NAALADL2: variants seen among roughly 807,000 people sequenced by gnomAD.
NAALADL2 encodes the protein N-acetylated alpha-linked acidic dipeptidase like 2.
NAALADL2 carries 76 observed loss-of-function variants against 87.2 expected under a neutral mutation model. The ratio of observed to expected loss-of-function variants is 0.87; its 90% CI spans 0.72 to 1.05. NAALADL2 has a LOEUF of 1.05. NAALADL2 is among the 50% of genes least tolerant of loss of function. The pLI, the probability that NAALADL2 is intolerant of heterozygous loss-of-function variation, is 0.00. For missense variants in NAALADL2, 1,089 were observed against 945.8 expected (o/e 1.15, Z -1.99); for synonymous variants, 354 against 331.0 (o/e 1.07, Z -0.75).
At chr3:175,242,276 A>G (rs1747059804) in intron 3 of NAALADL2, 1 of 152,212 alleles carries the variant, frequency 6.6e-6, no homozygotes, top group African/African-American at 2.4e-5. Context: ...TGATTTAGGC[A>G]AACTACTTGC....
chr3:175,455,779 A>G (rs1311185748), intron 6 of NAALADL2, among the ~76,000 whole-genome samples: 2 of 152,076 alleles, frequency 1.3e-5, no homozygotes, highest in African/African-American at 4.8e-5. Context: ...AGACCACAGC[A>G]TCTCAATCAT....
chr3:175,162,060 G>A (rs1475457416), intron 2 of NAALADL2, among the ~76,000 whole-genome samples: 1 of 152,034 alleles, frequency 6.6e-6, no homozygotes, highest in East Asian at 1.9e-4. Context: ...TTACTATTCA[G>A]GACTGTTAGA....
At chr3:175,562,438 T>G (rs923362049) in intron 9 of NAALADL2, among the ~76,000 whole-genome samples, 16 of 152,140 alleles carry the variant, frequency 1.1e-4, no homozygotes, top group African/African-American at 3.6e-4. Flanking sequence ...TTTTTAAATG[T>G]TAGATCACTA....
intron 1 of NAALADL2, among the ~76,000 whole-genome samples, chr3:174,928,326 G>C (rs1736382078): frequency 6.6e-6 from 1 of 152,050 alleles, no homozygotes; most frequent in Non-Finnish European, 1.5e-5. Context: ...TGCAACCTCT[G>C]CCTCCAGAGT....
chr3:174,557,118 T>C (rs1712928382), intron 2 of NAALADL2, among the ~76,000 whole-genome samples: 1 of 152,152 alleles, frequency 6.6e-6, no homozygotes, highest in South Asian at 2.1e-4. Context: ...TTTAAAGCTG[T>C]GTATTTTTAT....
In NAALADL2 at chr3:174,785,314, C is replaced by A. The variant is rs929375672; in HGVS notation, c.-9+47568C>A. Among the ~76,000 whole-genome samples, 178 of 152,206 alleles carry A rather than the reference C, an allele frequency of 1.2e-3. 1 individual carries two copies. The highest frequency in any genetic ancestry group is 4.2e-3 in the African/African-American group (176 of 41,528). On this transcript the variant is annotated intron_variant, in intron 3 of 3. Transcript: ENST00000434257. Reference sequence around the variant, plus strand: ...AGTAATGGCAAAATAGCTAATAGCTCCCACTTATAAATGAGAGCATGGTAT... The same window carrying A: ...AGTAATGGCAAAATAGCTAATAGCTACCACTTATAAATGAGAGCATGGTAT...
intron 5 of NAALADL2, among the ~76,000 whole-genome samples, chr3:175,410,413 T>C (rs1581770811): frequency 2.6e-5 from 4 of 152,162 alleles, no homozygotes; most frequent in Admixed American, 1.3e-4. Flanking sequence ...GTATGAACAC[T>C]AATTGATGTA....
intron 4 of NAALADL2, among the ~76,000 whole-genome samples, chr3:175,268,041 A>G (rs543419030): frequency 4.7e-4 from 71 of 152,320 alleles, no homozygotes; most frequent in African/African-American, 1.7e-3. Flanking sequence ...TTTAAAACAT[A>G]GTTACTTGAA....
chr3:175,387,456 T>C (rs1295222566), intron 5 of NAALADL2, among the ~76,000 whole-genome samples: 2 of 152,124 alleles, frequency 1.3e-5, no homozygotes, highest in Non-Finnish European at 1.5e-5. Context: ...TTCAGATTGA[T>C]ACATTACTTC....
intron 1 of NAALADL2, among the ~76,000 whole-genome samples, chr3:175,053,295 A>G (rs1318430944): frequency 6.6e-6 from 1 of 152,206 alleles, no homozygotes; most frequent in African/African-American, 2.4e-5. Context: ...ACTCATGGCA[A>G]TGGTGATCAC....
At chr3:174,808,527 A>C (rs908638748) in intron 3 of NAALADL2, among the ~76,000 whole-genome samples, 2 of 152,174 alleles carry the variant, frequency 1.3e-5, no homozygotes, top group Non-Finnish European at 2.9e-5. Flanking sequence ...ACATGGTAAA[A>C]TGCTGCCAAA....
At chr3:175,227,101 A>G (rs984905844) in intron 2 of NAALADL2, among the ~76,000 whole-genome samples, 4 of 151,982 alleles carry the variant, frequency 2.6e-5, no homozygotes, top group African/African-American at 9.7e-5. Context: ...GCATTAATAA[A>G]TGTGCTGATT....
chr3:174,728,564 C>A (rs1372967936), intron 2 of NAALADL2, among the ~76,000 whole-genome samples: 1 of 152,034 alleles, frequency 6.6e-6, no homozygotes, highest in Non-Finnish European at 1.5e-5. Flanking sequence ...CCCAGATAGT[C>A]TCTCACCAGT....
intron 11 of NAALADL2, among the ~76,000 whole-genome samples, chr3:175,667,207 G>A (rs993846404): frequency 8.7e-6 from 1 of 114,872 alleles, no homozygotes; most frequent in East Asian, 2.3e-4. Flanking sequence ...AAGAAAGAAA[G>A]AAAGAAAGAA....
chr3:175,262,262 G>A (rs969827689), intron 4 of NAALADL2, among the ~76,000 whole-genome samples: 1 of 151,950 alleles, frequency 6.6e-6, no homozygotes, highest in Non-Finnish European at 1.5e-5. Context: ...TGAAGCATTT[G>A]CATACCTGTG....
intron 2 of NAALADL2, among the ~76,000 whole-genome samples, chr3:175,133,242 G>C (rs2108656596): frequency 6.6e-6 from 1 of 151,774 alleles, no homozygotes; most frequent in South Asian, 2.1e-4. Flanking sequence ...TCCAGACTGG[G>C]CAGCCAGGCA....
At chr3:175,471,481 A>G (rs1302850674) in intron 8 of NAALADL2, among the ~76,000 whole-genome samples, 158 bp from the exon 9 acceptor site, 1 of 121,082 alleles carries the variant, frequency 8.3e-6, no homozygotes, top group African/African-American at 2.7e-5. Context: ...TCTCAAAAAA[A>G]AAAAAAAGAA....
intron 4 of NAALADL2, chr3:175,256,796 G>T (rs1408474528): frequency 2.2e-5 from 5 of 225,144 alleles, no homozygotes; most frequent in Non-Finnish European, 4.3e-5. Flanking sequence ...CACTGAGTTT[G>T]TGGGACCTTA....
chr3:175,743,987 G>A (rs1745592725), intron 12 of NAALADL2, among the ~76,000 whole-genome samples: 1 of 152,196 alleles, frequency 6.6e-6, no homozygotes, highest in Non-Finnish European at 1.5e-5. Flanking sequence ...TGGTGATCTA[G>A]AAGCACCTCA....
Sources: allele counts gnomAD v4.1 joint callset (sites outside exome capture counted in the v4.1 genomes callset), GRCh38; gene constraint gnomAD v4.1.1; transcripts MANE v1.5; gene names NCBI Gene and HGNC (gene_info 2026-07-23, HGNC 2026-07-21).